Variants in FKBP15 observed in about 807,000 individuals in gnomAD.
The protein encoded by FKBP15 is FKBP prolyl isomerase family member 15, also known as FK506-binding protein 15.
FKBP15 carries 106 observed loss-of-function variants against 158.1 expected under a neutral mutation model. The ratio of observed to expected loss-of-function variants is 0.67; its 90% CI spans 0.57 to 0.79. The LOEUF (loss-of-function observed/expected upper bound fraction) is 0.79, where lower values mean the gene tolerates loss of function less well. Ranked by LOEUF, FKBP15 falls within the 30% of genes least tolerant of loss-of-function variation. The pLI, the probability that FKBP15 is intolerant of heterozygous loss-of-function variation, is 0.00. For synonymous variants in FKBP15, 547 were observed against 548.6 expected, an observed-to-expected ratio of 1.00 and a Z score of 0.04; for missense variants, 1,287 against 1,479.1, an observed-to-expected ratio of 0.87 and a Z score of 2.13.
Position 113,171,619 on chromosome 9 carries a change from A to G in FKBP15, c.2620T>C (p.Ser874Pro). The change falls in exon 24 of 28, where the codon TCT becomes CCT. Residue 874 changes from serine (S) to proline (P), a missense_variant. Transcript: ENST00000238256. ...KELEKNKSQM[S>P]GVEAAASDPS... ...TCAGATGCAGCAGCTTCAACCCCAG[A>G]CATCTGGGACTTGTTCTTCTCTAGT... The G allele has an allele frequency of 6.2e-7, 1 of 1,606,140 alleles. No homozygotes were observed. Among genetic ancestry groups the G allele is most frequent in the Non-Finnish European group, 8.5e-7 (1 of 1,176,048 alleles).
intron 2 of FKBP15, among the ~76,000 whole-genome samples, chr9:113,211,104 T>G (rs113427932): frequency 0.011 from 1,678 of 152,282 alleles, 34 homozygotes; most frequent in African/African-American, 0.038. Context: ...CTTTCACACA[T>G]ACGTATATTC....
chr9:113,181,215 A>C (rs1052301906), intron 19 of FKBP15, among the ~76,000 whole-genome samples: 6 of 152,200 alleles, frequency 3.9e-5, no homozygotes, highest in African/African-American at 1.4e-4. Context: ...TGCTATTATA[A>C]ATAGAGCATC....
chr9:113,183,672 C>T, intron 18 of FKBP15, 79 bp downstream of exon 18: 1 of 922,308 alleles, frequency 1.1e-6, no homozygotes, highest in South Asian at 1.5e-5. Flanking sequence ...CTGCCCTAAA[C>T]AAATACGTGT....
rs575254778 is a variant in FKBP15, at chr9:113,188,483, G to A, written c.1182C>T (p.Asn394=). Residue 394 remains asparagine, a synonymous_variant, in exon 13 of 28, where the codon AAC becomes AAT. Coordinates refer to ENST00000238256, the MANE Select transcript of FKBP15 (RefSeq NM_015258.2). ...DSNDSEIEDV[N]TLQGGGQPVV... The stretch of plus-strand genomic sequence containing the variant: ...CAGGCTGCCCACCTCCTTGCAGAGT[G>A]TTCACATCCTGAAACAGGAACAAGC... The A allele has an allele frequency of 1.9e-6, 3 of 1,613,692 alleles. No homozygotes were observed. In the African/African-American group the frequency reaches 4.0e-5, roughly 22 times the overall value.
intron 9 of FKBP15, among the ~76,000 whole-genome samples, chr9:113,196,449 T>C (rs1192124818): frequency 6.6e-6 from 1 of 150,790 alleles, no homozygotes; most frequent in African/African-American, 2.4e-5. Context: ...AGTGGCATGA[T>C]CTCAGCTCAC....
chr9:113,163,879 G>GA lies in FKBP15; in HGVS notation c.*2198dup, dbSNP rs201909352. 1.3e-5 allele frequency: 2 copies of GA among 150,724 alleles called. No individual in the cohort carries two copies. Among genetic ancestry groups the GA allele is most frequent in the East Asian group, 2.0e-4 (1 of 5,042 alleles). 9.3% of individuals were successfully genotyped at this position (150,724 alleles called of 1,614,324 possible). A position where few individuals can be genotyped will look rare whatever the true frequency, so the allele number is the denominator to read the frequency against. Reference sequence around the variant, plus strand: ...TGCTTACTCGTAATGATCTAGTGGGGAAACATGATTCATTCACTTAAAATA... The same window carrying GA: ...TGCTTACTCGTAATGATCTAGTGGGGAAAACATGATTCATTCACTTAAAATA... On this transcript the variant is annotated 3_prime_UTR_variant, in exon 28 of 28. Transcript: ENST00000238256.
chr9:113,207,348 A>ATTTTTTTTTTTTTTTTTTTTTT, intron 2 of FKBP15, 52 bp from the exon 3 acceptor site: 1 of 1,393,624 alleles, frequency 7.2e-7, no homozygotes, highest in Non-Finnish European at 1.0e-6. Context: ...CTTTAAACTA[A>ATTTTTTTTTTTTTTTTTTTTTT]TTTTTTTTAA....
Position 113,162,767 on chromosome 9 carries a change from T to C in FKBP15, c.*3311A>G. ...TATCTAGGTGGTATTTGTGTCACTT[T>C]GGCCAGTCTCTAATCCATGTCATCC... On this transcript the variant is annotated 3_prime_UTR_variant, in exon 28 of 28. Coordinates refer to ENST00000238256, the MANE Select transcript of FKBP15 (RefSeq NM_015258.2). The C allele has an allele frequency of 6.2e-7, 1 of 1,613,176 alleles. No individual in the cohort carries two copies. Among genetic ancestry groups the C allele is most frequent in the Admixed American group, 1.7e-5 (1 of 59,890 alleles).
At position 113,216,739 on chromosome 9, in the gene FKBP15, G is replaced by C. The variant is rs191935710; in HGVS notation, c.53+4452C>G. 1.2e-4 allele frequency among the ~76,000 whole-genome samples: 18 copies of C among 152,250 alleles called. No individual in the cohort carries two copies. The East Asian group carries it at 3.5e-3, about 29-fold the overall frequency. The stretch of plus-strand genomic sequence containing the variant: ...AGCTTCAGTAAACCATGAGTATTGG[G>C]CTTGCTGTTTTAATTTTGCAGGTAT... On this transcript the variant is annotated intron_variant, in intron 1 of 27. Transcript: ENST00000238256.
intron 9 of FKBP15, among the ~76,000 whole-genome samples, chr9:113,196,568 A>G (rs1049122211): frequency 2.0e-5 from 3 of 152,048 alleles, no homozygotes; most frequent in African/African-American, 7.2e-5. Flanking sequence ...TATTTTTAGT[A>G]GAGATGGGGT....
intron 4 of FKBP15, among the ~76,000 whole-genome samples, chr9:113,203,774 AC>A (rs1300801479): frequency 6.6e-6 from 1 of 151,920 alleles, no homozygotes; most frequent in African/African-American, 2.4e-5. Flanking sequence ...TGATCCGCCC[AC>A]CTTGGCCTCC....
At chr9:113,197,396 A>G (rs1441411480) in intron 8 of FKBP15, among the ~76,000 whole-genome samples, 1 of 152,186 alleles carries the variant, frequency 6.6e-6, no homozygotes, top group Non-Finnish European at 1.5e-5. Flanking sequence ...GGCTGGGCAC[A>G]GTGGCTCATG....
At chr9:113,168,303 G>A (rs981412747) in intron 27 of FKBP15, among the ~76,000 whole-genome samples, 157 bp downstream of exon 27, 4 of 152,028 alleles carry the variant, frequency 2.6e-5, no homozygotes, top group South Asian at 4.1e-4. Context: ...ACAGAGCTGC[G>A]CCCTCCCAGC....
rs185688178 is a variant in FKBP15 at position 113,164,514 on chromosome 9, A to G, written c.*1564T>C. 1 of 152,402 alleles carries G rather than the reference A, an allele frequency of 6.6e-6. No individual in the cohort carries two copies. Among genetic ancestry groups the G allele is most frequent in the Admixed American group, 6.5e-5 (1 of 15,308 alleles). The allele number at this position is 152,402 out of a possible 1,614,324, so 9.4% of individuals were successfully genotyped here. Reference sequence around the variant, plus strand: ...TATAATAGCCACTAGTTAATTTACAATAAGAAATAACTGCCCTAGAAAGTA... The same window carrying G: ...TATAATAGCCACTAGTTAATTTACAGTAAGAAATAACTGCCCTAGAAAGTA... On this transcript the variant is annotated 3_prime_UTR_variant, in exon 28 of 28. Transcript: ENST00000238256.
intron 19 of FKBP15, among the ~76,000 whole-genome samples, chr9:113,179,955 A>G (rs538680536): frequency 4.1e-4 from 62 of 152,348 alleles, no homozygotes; most frequent in African/African-American, 1.4e-3. Flanking sequence ...AGTGGCTTTC[A>G]TCTACTCATT....
In FKBP15 at chr9:113,190,461, G is replaced by C; in HGVS notation, c.1173+10C>G. Reference sequence around the variant, plus strand: ...GTACTATTCATTCTAATACAGCCAGGGGGACATACTTCGATTTCTGAATCA... The same window carrying C: ...GTACTATTCATTCTAATACAGCCAGCGGGACATACTTCGATTTCTGAATCA... On this transcript the variant is annotated intron_variant, in intron 12 of 27. Coordinates refer to ENST00000238256, the MANE Select transcript of FKBP15 (RefSeq NM_015258.2). 6.3e-7 allele frequency: 1 copy of C among 1,591,266 alleles called. No individual in the cohort carries two copies. Among genetic ancestry groups the C allele is most frequent in the African/African-American group, 1.3e-5 (1 of 74,720 alleles).
chr9:113,197,757 G>T (rs1830714965), intron 8 of FKBP15, among the ~76,000 whole-genome samples: 1 of 152,152 alleles, frequency 6.6e-6, no homozygotes, highest in Non-Finnish European at 1.5e-5. Context: ...ACTTCATAAG[G>T]TTGTCAGAAT....
chr9:113,203,767 TC>T lies in FKBP15; in HGVS notation c.325-733del, dbSNP rs781369536. On this transcript the variant is annotated intron_variant, in intron 4 of 27. Coordinates refer to ENST00000238256, the MANE Select transcript of FKBP15 (RefSeq NM_015258.2). ...GTCTTGAACTCCTGACCTCAGGTGA[TC>T]CGCCCACCTTGGCCTCCCAAAGTGC... Among the ~76,000 whole-genome samples, 93 of 152,188 alleles carry T rather than the reference TC, an allele frequency of 6.1e-4. 1 individual carries two copies. The highest frequency in any genetic ancestry group is 3.0e-3 in the Admixed American group (46 of 15,274).
rs1363520721 is a variant in FKBP15 at position 113,165,016 on chromosome 9, A to C, written c.*1062T>G. The C allele has an allele frequency of 6.6e-6, 1 of 151,800 alleles. No individual in the cohort carries two copies. Among genetic ancestry groups the C allele is most frequent in the Non-Finnish European group, 1.5e-5 (1 of 67,980 alleles). The allele number at this position is 151,800 out of a possible 1,614,324, so 9.4% of individuals were successfully genotyped here. A position where few individuals can be genotyped will look rare whatever the true frequency, so the allele number is the denominator to read the frequency against. ...CCTATCTTTTAAAACATTTAAAATC[A>C]AGAAACATTTTTTATTAAAATTAAT... On this transcript the variant is annotated 3_prime_UTR_variant, in exon 28 of 28. Coordinates refer to ENST00000238256, the MANE Select transcript of FKBP15 (RefSeq NM_015258.2).
Sources: allele counts gnomAD v4.1 joint callset (sites outside exome capture counted in the v4.1 genomes callset), GRCh38; gene constraint gnomAD v4.1.1; transcripts MANE v1.5; gene names NCBI Gene and HGNC (gene_info 2026-07-23, HGNC 2026-07-21).